Variants in ABCA13 observed in about 807,000 individuals in gnomAD.
The protein encoded by ABCA13 is ATP-binding cassette sub-family A member 13.
In ABCA13, 476 loss-of-function variants were observed where a neutral mutation model predicts 478.7. The observed-to-expected ratio is 0.99, with a 90% CI of 0.92 to 1.07. The LOEUF (loss-of-function observed/expected upper bound fraction) is 1.07. ABCA13 is among the 50% of genes least tolerant of loss of function. The pLI is 0.00. For missense variants in ABCA13, 6,060 were observed against 5,910.6 expected, an observed-to-expected ratio of 1.03 and a Z score of -0.83; for synonymous variants, 2,252 against 2,158.9, an observed-to-expected ratio of 1.04 and a Z score of -1.20.
At chr7:48,293,197 C>CCCCA (rs914313737) in intron 20 of ABCA13, among the ~76,000 whole-genome samples, 2 of 127,092 alleles carry the variant, frequency 1.6e-5, no homozygotes, top group African/African-American at 6.2e-5. Flanking sequence ...CTTCAGCCCC[C>CCCCA]CCCCCGCCAC....
In ABCA13 at chr7:48,272,322, G is replaced by A. The variant is rs1383375675; in HGVS notation, c.2656G>A (p.Ala886Thr). ...LFHSDWPKSPAMNIDFVRLSE... is the reference protein window; with the variant it reads ...LFHSDWPKSPTMNIDFVRLSE... ...CCATTCAGATTGGCCTAAATCACCA[G>A]CTATGAACATAGATTTTGTACGTTT... The change falls in exon 17 of 62, where the codon GCT becomes ACT. Residue 886 changes from alanine to threonine, a missense_variant. Physicochemically the swap from Ala to Thr is moderately conservative, Grantham distance 58 (BLOSUM62 0). This residue lies in a region of ABCA13 where 4,423 missense variants were observed against 4,309.1 expected (regional missense o/e 1.03). Coordinates refer to ENST00000435803, the MANE Select transcript of ABCA13 (RefSeq NM_152701.5). The A allele has an allele frequency of 6.2e-7, 1 of 1,613,706 alleles. No homozygotes were observed. The highest frequency in any genetic ancestry group is 2.2e-5 in the East Asian group (1 of 44,858).
intron 55 of ABCA13, among the ~76,000 whole-genome samples, chr7:48,574,572 T>C (rs1787981948): frequency 6.6e-6 from 1 of 152,156 alleles, no homozygotes; most frequent in African/African-American, 2.4e-5. Context: ...ACACCTAGAG[T>C]TACAGGGTTT....
In ABCA13 at chr7:48,524,319, T is replaced by A. The variant is rs1262697730; in HGVS notation, c.14123T>A (p.Val4708Glu). The part of the protein sequence containing the change: ...DTDVEKEEKR[V>E]FEGRTNGDIL... The stretch of plus-strand genomic sequence containing the variant: ...GATGTTGAAAAAGAGGAAAAGAGAG[T>A]GTTTGAAGGAAGGACCAATGGAGAC... The change falls in exon 54 of 62, where the codon GTG (valine) becomes GAG (glutamate). Residue 4708 changes from valine to glutamate, a missense_variant. By Grantham distance (121) the Val-to-Glu change is moderately radical. This residue lies in a region of ABCA13 where 1,627 missense variants were observed against 1,571.0 expected (regional missense o/e 1.04). Coordinates refer to ENST00000435803, the MANE Select transcript of ABCA13 (RefSeq NM_152701.5). 2.5e-6 allele frequency: 4 copies of A among 1,612,802 alleles called. No homozygotes were observed. Among genetic ancestry groups the A allele is most frequent in the South Asian group, 1.1e-5 (1 of 90,942 alleles).
chr7:48,244,791 A>T (rs1791419650), intron 11 of ABCA13, 88 bp downstream of exon 11: 2 of 1,464,806 alleles, frequency 1.4e-6, no homozygotes, highest in Non-Finnish European at 1.8e-6. Context: ...TGCCTGACAC[A>T]TTGTAAAGTT....
At chr7:48,282,164 A>G (rs1293470880) in intron 19 of ABCA13, among the ~76,000 whole-genome samples, 3 of 152,326 alleles carry the variant, frequency 2.0e-5, no homozygotes, top group Middle Eastern at 3.4e-3. Context: ...ATACTTGCCA[A>G]ATCCATTCCT....
intron 50 of ABCA13, 75 bp downstream of exon 50, chr7:48,508,124 G>C (rs967084075): frequency 3.2e-6 from 5 of 1,585,928 alleles, no homozygotes; most frequent in Non-Finnish European, 4.3e-6. Flanking sequence ...GGGATGGAGG[G>C]GGGCATTGGG....
chr7:48,490,884 T>C (rs1171456077), intron 48 of ABCA13, among the ~76,000 whole-genome samples: 1 of 152,146 alleles, frequency 6.6e-6, no homozygotes, highest in Non-Finnish European at 1.5e-5. Context: ...AGCCACTGAT[T>C]AAAGGGAGAA....
chr7:48,414,615 GTAA>G (rs1021402274), intron 41 of ABCA13, among the ~76,000 whole-genome samples: 86 of 150,022 alleles, frequency 5.7e-4, no homozygotes, highest in African/African-American at 2.1e-3. Context: ...TATATTACAT[GTAA>G]TAATACATAG....
intron 20 of ABCA13, among the ~76,000 whole-genome samples, chr7:48,290,023 A>G (rs1381899424): frequency 6.6e-6 from 1 of 152,254 alleles, no homozygotes; most frequent in African/African-American, 2.4e-5. Flanking sequence ...CAGTATCTAA[A>G]TAAATATTTT....
At chr7:48,565,458 TTAAA>T (rs1786950916) in intron 55 of ABCA13, among the ~76,000 whole-genome samples, 1 of 152,094 alleles carries the variant, frequency 6.6e-6, no homozygotes, top group East Asian at 1.9e-4. Context: ...GTAGTGATGT[TTAAA>T]TACCAATCTG....
intron 8 of ABCA13, among the ~76,000 whole-genome samples, chr7:48,235,911 G>T (rs992105404): frequency 2.6e-5 from 4 of 152,054 alleles, no homozygotes; most frequent in African/African-American, 9.7e-5. Context: ...AATAAGCTTT[G>T]TGTTAGATTA....
In ABCA13 at chr7:48,275,262, C is replaced by G. The variant is rs563705148; in HGVS notation, c.5596C>G (p.Pro1866Ala). The G allele has an allele frequency of 8.7e-6, 14 of 1,613,822 alleles. No individual in the cohort carries two copies. Among genetic ancestry groups the G allele is most frequent in the African/African-American group, 8.0e-5 (6 of 75,022 alleles). The change falls in exon 17 of 62, where the codon CCC becomes GCC. Residue 1866 changes from proline (P) to alanine (A), a missense_variant. Pro to Ala is a conservative substitution (Grantham distance 27, BLOSUM62 -1). Around this residue, in one of 3 missense-constraint regions of ABCA13, gnomAD observed 4,423 missense variants for 4,309.1 expected, o/e 1.03. Coordinates refer to ENST00000435803, the MANE Select transcript of ABCA13 (RefSeq NM_152701.5). Reference sequence around the variant, plus strand: ...TATACTTGATCATTTCCACCTGTCTCCCCAAGGTGAAGATTCACCATGTTC... The same window carrying G: ...TATACTTGATCATTTCCACCTGTCTGCCCAAGGTGAAGATTCACCATGTTC... ...ASILDHFHLS[P>A]QGEDSPCSNE...
At chr7:48,291,990 C>T (rs1397916682) in intron 20 of ABCA13, among the ~76,000 whole-genome samples, 2 of 152,176 alleles carry the variant, frequency 1.3e-5, no homozygotes, top group Admixed American at 6.5e-5. Flanking sequence ...CCCAGGCTGT[C>T]TCCAGACCCT....
chr7:48,245,458 A>T, intron 11 of ABCA13, 54 bp from the exon 12 acceptor site: 1 of 1,416,950 alleles, frequency 7.1e-7, no homozygotes, highest in Non-Finnish European at 9.7e-7. Context: ...GCCATGTATA[A>T]AAGTCAAGCT....
At chr7:48,217,310 C>T (rs1165436977) in intron 3 of ABCA13, among the ~76,000 whole-genome samples, 2 of 152,160 alleles carry the variant, frequency 1.3e-5, no homozygotes, top group African/African-American at 4.8e-5. Flanking sequence ...AGATAATTCT[C>T]ATTTGATAAC....
chr7:48,181,994 C>G (rs1305690802), intron 1 of ABCA13, among the ~76,000 whole-genome samples: 1 of 152,100 alleles, frequency 6.6e-6, no homozygotes, highest in South Asian at 2.1e-4. Flanking sequence ...TTGGCCAACT[C>G]CAGGGTCCCT....
In ABCA13 at chr7:48,401,395, A is replaced by T. The variant is rs190119620; in HGVS notation, c.11874-2288A>T. 4.5e-4 allele frequency among the ~76,000 whole-genome samples: 69 copies of T among 152,340 alleles called. No homozygotes were observed. In the East Asian group the frequency reaches 8.3e-3, roughly 18 times the overall value. ...TCTACAGTATTGTGATGTGATAGAA[A>T]GTTCTACTTTAAGTTGGACCTCTCC... On this transcript the variant is annotated intron_variant, in intron 38 of 61. Coordinates refer to ENST00000435803, the MANE Select transcript of ABCA13 (RefSeq NM_152701.5).
chr7:48,615,187 C>A, intron 58 of ABCA13, 98 bp from the exon 59 acceptor site: 2 of 689,876 alleles, frequency 2.9e-6, no homozygotes, highest in African/African-American at 1.8e-5. Flanking sequence ...AGTAATTTGC[C>A]CTAATGGTAT....
intron 5 of ABCA13, among the ~76,000 whole-genome samples, chr7:48,225,126 TGCC>T (rs1787980641): frequency 1.3e-4 from 14 of 110,514 alleles, no homozygotes; most frequent in Non-Finnish European, 2.4e-4. Flanking sequence ...CCTGCCTGCC[TGCC>T]TGCCTGCCTT....
Sources: gnomAD v4.1 joint callset for allele counts (sites outside exome capture counted in the v4.1 genomes callset) on GRCh38, gnomAD v4.1.1 for gene constraint, gnomAD v4.1.1 regional missense constraint, MANE v1.5 for transcripts, NCBI Gene and HGNC (gene_info 2026-07-23, HGNC 2026-07-21) for gene names.